The following YAE1 variants were observed in gnomAD, a reference collection of about 807,000 sequenced individuals.
YAE1 encodes the protein YAE1 maturation factor of ABCE1.
Under a neutral mutation model 23.0 loss-of-function variants are expected in YAE1, and 22 were observed. The observed-to-expected ratio is 0.96, with a 90% confidence interval of 0.68 to 1.37. The LOEUF (loss-of-function observed/expected upper bound fraction) is 1.37, where lower values mean the gene tolerates loss of function less well. Ranked by LOEUF, YAE1 falls within the 40% of genes most tolerant of loss-of-function variation. The probability of loss-of-function intolerance (pLI) is 0.00; values close to 1 mark genes in which losing one functional copy is unlikely to be tolerated. For missense variants in YAE1, 260 were observed against 262.1 expected (o/e 0.99, Z 0.06); for synonymous variants, 101 against 97.0 (o/e 1.04, Z -0.24).
intron 2 of YAE1, among the ~76,000 whole-genome samples, chr7:39,606,160 T>G (rs939049881): frequency 2.0e-5 from 3 of 152,130 alleles, no homozygotes; most frequent in Non-Finnish European, 2.9e-5. Context: ...CCTTTGTGAC[T>G]TCTAGCTGTA....
chr7:39,569,718 C>T, intron 1 of YAE1: 1 of 726,092 alleles, frequency 1.4e-6, no homozygotes, highest in Non-Finnish European at 2.6e-6. Flanking sequence ...AGTCCTGATC[C>T]ACGTAGATAG....
chr7:39,577,927 ACT>A (rs1790680212), intron 2 of YAE1, among the ~76,000 whole-genome samples: 1 of 151,916 alleles, frequency 6.6e-6, no homozygotes, highest in Non-Finnish European at 1.5e-5. Context: ...ACCAGTCAGC[ACT>A]CTGTGTCTAG....
At chr7:39,605,308 T>C (rs1039105437) in intron 2 of YAE1, among the ~76,000 whole-genome samples, 30 of 152,174 alleles carry the variant, frequency 2.0e-4, no homozygotes, top group Admixed American at 3.9e-4. Context: ...AGTGCCCAAA[T>C]AGTTGGTTAA....
At chr7:39,602,280 G>A (rs560399272) in intron 2 of YAE1, among the ~76,000 whole-genome samples, 4 of 152,300 alleles carry the variant, frequency 2.6e-5, no homozygotes, top group African/African-American at 9.6e-5. Flanking sequence ...ATGCTAGAAA[G>A]GTAGAATATT....
intron 2 of YAE1, among the ~76,000 whole-genome samples, chr7:39,593,740 T>C (rs1487691023): frequency 6.6e-6 from 1 of 152,228 alleles, no homozygotes; most frequent in Non-Finnish European, 1.5e-5. Flanking sequence ...ATTACAGGCA[T>C]GAGCCACCGC....
At chr7:39,587,187 G>A (rs1238517144) in intron 2 of YAE1, among the ~76,000 whole-genome samples, 1 of 151,962 alleles carries the variant, frequency 6.6e-6, no homozygotes, top group Non-Finnish European at 1.5e-5. Flanking sequence ...GTCCCAAGCA[G>A]CTGTTATTAC....
chr7:39,578,284 A>G (rs1790686898), intron 2 of YAE1, among the ~76,000 whole-genome samples: 1 of 152,240 alleles, frequency 6.6e-6, no homozygotes, highest in Non-Finnish European at 1.5e-5. Context: ...AAAACGGACC[A>G]ATAAGCTGTC....
chr7:39,582,901 C>T (rs1385926598), intron 2 of YAE1, among the ~76,000 whole-genome samples: 1 of 152,158 alleles, frequency 6.6e-6, no homozygotes, highest in Non-Finnish European at 1.5e-5. Flanking sequence ...GAGAAAGATG[C>T]CAAAGATCGG....
At chr7:39,571,807 G>C (rs780648717) in intron 2 of YAE1, among the ~76,000 whole-genome samples, 5 of 152,146 alleles carry the variant, frequency 3.3e-5, no homozygotes, top group Non-Finnish European at 7.3e-5. Flanking sequence ...GAAGTCTCTT[G>C]AAAACTTCTT....
At chr7:39,566,725 C>A in intron 1 of YAE1, 178 bp downstream of exon 1, 2 of 862,652 alleles carry the variant, frequency 2.3e-6, no homozygotes, top group Non-Finnish European at 3.4e-6. Flanking sequence ...GCGTGTAAAA[C>A]AACAAGACGC....
exon 3 of YAE1, chr7:39,609,841 C>G (rs1036800212): frequency 2.0e-6 from 3 of 1,533,002 alleles, no homozygotes. Flanking sequence ...GGCCCTGGGA[C>G]GCCGAGCCAC....
At chr7:39,567,263 G>C (rs960475957) in intron 1 of YAE1, among the ~76,000 whole-genome samples, 3 of 152,158 alleles carry the variant, frequency 2.0e-5, no homozygotes, top group Admixed American at 2.0e-4. Context: ...CAGTAGAGTG[G>C]TATTTGCTTA....
intron 2 of YAE1, among the ~76,000 whole-genome samples, chr7:39,584,295 G>A (rs771386522): frequency 5.3e-5 from 8 of 152,024 alleles, no homozygotes; most frequent in Non-Finnish European, 1.2e-4. Flanking sequence ...TTGTTTGTTC[G>A]CCAGAGTGAT....
intron 2 of YAE1, among the ~76,000 whole-genome samples, chr7:39,597,196 G>A (rs374568628): frequency 2.0e-5 from 3 of 152,130 alleles, no homozygotes; most frequent in East Asian, 1.9e-4. Context: ...GCCTAGTAAC[G>A]CTTTCTCTCA....
Position 39,572,409 on chromosome 7 carries a change from C to T in YAE1, c.384C>T (p.Ser128=). 6.2e-7 allele frequency: 1 copy of T among 1,614,056 alleles called. No individual in the cohort carries two copies. The highest frequency in any genetic ancestry group is 2.2e-5 in the East Asian group (1 of 44,872). Residue 128 remains serine, a synonymous_variant, in exon 3 of 3, where the codon TCC becomes TCT. Transcript: ENST00000223273. ...LKHLKSITPP[S]HVVDLLDSIE... is the part of the protein sequence containing the mutation. ...ATCTGAAATCAATCACTCCACCGTC[C>T]CATGTTGTAGATTTATTGGACTCCA... is the stretch of plus-strand genomic sequence containing the variant.
intron 2 of YAE1, among the ~76,000 whole-genome samples, chr7:39,600,837 A>G (rs1383171446): frequency 6.6e-6 from 1 of 152,238 alleles, no homozygotes; most frequent in African/African-American, 2.4e-5. Flanking sequence ...GAGCTAAGGG[A>G]GAGGCATGAA....
chr7:39,607,799 G>A (rs1397280138), intron 2 of YAE1, among the ~76,000 whole-genome samples: 4 of 152,194 alleles, frequency 2.6e-5, no homozygotes, highest in Admixed American at 1.3e-4. Flanking sequence ...CTCCTGAGTA[G>A]CTGGGACTAC....
At chr7:39,570,227 C>A in intron 1 of YAE1, 1 of 627,548 alleles carries the variant, frequency 1.6e-6, no homozygotes, top group South Asian at 2.0e-5. Context: ...TCACAGCAAG[C>A]GTGGCGGCCC....
At position 39,586,472 on chromosome 7, in the gene YAE1, A is replaced by G. The variant is rs1790815241; in HGVS notation, c.251+15845A>G. On this transcript the variant is annotated intron_variant, in intron 2 of 2. Transcript: ENST00000432096. ...CAGGGGTGAGCCACCGCGCCCGGCC[A>G]GTAATGATAACTATCATTTCTCTCT... 2.8e-5 allele frequency among the ~76,000 whole-genome samples: 4 copies of G among 142,694 alleles called. No individual in the cohort carries two copies. In the Admixed American group the frequency reaches 2.8e-4, roughly 10 times the overall value. The allele number at this position is 142,694 out of a possible 152,430, so 93.6% of individuals were successfully genotyped here.
Sources: allele counts gnomAD v4.1 joint callset (sites outside exome capture counted in the v4.1 genomes callset), GRCh38; gene constraint gnomAD v4.1.1; transcripts MANE v1.5; gene names NCBI Gene and HGNC (gene_info 2026-07-23, HGNC 2026-07-21).